PPM1H: variants seen among roughly 807,000 people sequenced by gnomAD.
PPM1H encodes the protein protein phosphatase, Mg2+/Mn2+ dependent 1H.
Under a neutral mutation model 54.9 loss-of-function variants are expected in PPM1H, and 27 were observed. The ratio of observed to expected loss-of-function variants is 0.49; its 90% CI spans 0.36 to 0.68. The LOEUF (loss-of-function observed/expected upper bound fraction) is 0.68. PPM1H is among the 30% of genes least tolerant of loss of function. The pLI is 0.00. For synonymous variants in PPM1H, 305 were observed against 270.8 expected (o/e 1.13, Z -1.24); for missense variants, 596 against 667.8 (o/e 0.89, Z 1.19).
At chr12:62,651,517 G>A (rs763537538) in intron 9 of PPM1H, among the ~76,000 whole-genome samples, 1 of 152,132 alleles carries the variant, frequency 6.6e-6, no homozygotes, top group Non-Finnish European at 1.5e-5. Flanking sequence ...TTTTTAAAAA[G>A]CAAGGATTAG....
chr12:62,850,583 G>A (rs1869143529), intron 1 of PPM1H, among the ~76,000 whole-genome samples: 1 of 150,024 alleles, frequency 6.7e-6, no homozygotes, highest in Non-Finnish European at 1.5e-5. Flanking sequence ...GTCCTTGGCA[G>A]TTTTACTGTT....
intron 4 of PPM1H, among the ~76,000 whole-genome samples, chr12:62,740,024 C>T (rs1389571434): frequency 6.6e-6 from 1 of 152,172 alleles, no homozygotes; most frequent in Non-Finnish European, 1.5e-5. Flanking sequence ...TCCACTGGAT[C>T]TCTGCCCATA....
chr12:62,865,414 G>A (rs1869741516), intron 1 of PPM1H, among the ~76,000 whole-genome samples: 1 of 152,066 alleles, frequency 6.6e-6, no homozygotes, highest in Non-Finnish European at 1.5e-5. Flanking sequence ...GTCTCCACAT[G>A]CCCTTCAGGG....
At chr12:62,793,680 C>T (rs552912789) in intron 3 of PPM1H, among the ~76,000 whole-genome samples, 1 of 146,172 alleles carries the variant, frequency 6.8e-6, no homozygotes, top group South Asian at 2.2e-4. Flanking sequence ...GCCCAGATCG[C>T]GCCAAGCCAA....
At chr12:62,678,350 AT>A (rs1395082272) in intron 8 of PPM1H, among the ~76,000 whole-genome samples, 1 of 152,210 alleles carries the variant, frequency 6.6e-6, no homozygotes, top group Non-Finnish European at 1.5e-5. Flanking sequence ...TGAAATTATT[AT>A]TTTTCAGGAG....
intron 2 of PPM1H, among the ~76,000 whole-genome samples, chr12:62,821,577 G>C (rs900083267): frequency 6.6e-6 from 1 of 152,164 alleles, no homozygotes; most frequent in East Asian, 1.9e-4. Context: ...TGGATTTCTC[G>C]GCAGAAACTC....
chr12:62,841,275 T>C (rs968547611), intron 1 of PPM1H, among the ~76,000 whole-genome samples: 2 of 152,244 alleles, frequency 1.3e-5, no homozygotes, highest in South Asian at 4.2e-4. Flanking sequence ...CTATTGCCCA[T>C]GGGCCAAAGC....
chr12:62,740,057 T>G (rs1204082916), intron 4 of PPM1H, among the ~76,000 whole-genome samples: 2 of 152,194 alleles, frequency 1.3e-5, no homozygotes, highest in Non-Finnish European at 2.9e-5. Context: ...GCTAAAGCAT[T>G]CTGTTTAAAA....
chr12:62,797,749 T>C (rs572410065), intron 3 of PPM1H, among the ~76,000 whole-genome samples: 2 of 152,340 alleles, frequency 1.3e-5, no homozygotes, highest in Admixed American at 6.5e-5. Flanking sequence ...ATTCTGAAGC[T>C]CACCTTAAGC....
In PPM1H at chr12:62,854,821, T is replaced by C. The variant is rs975896026; in HGVS notation, c.246-22542A>G. 2.7e-4 allele frequency among the ~76,000 whole-genome samples: 41 copies of C among 151,762 alleles called. 1 individual carries two copies. The highest frequency in any genetic ancestry group is 3.3e-4 in the Admixed American group (5 of 15,240). ...GGAAGGCAGAATGACACAAAAGCAA[T>C]ATTAAAAAAAAACATAAAAATAAAA... On this transcript the variant is annotated intron_variant, in intron 1 of 9. Transcript: ENST00000228705.
At chr12:62,679,838 C>T (rs1465582897) in intron 8 of PPM1H, among the ~76,000 whole-genome samples, 1 of 152,216 alleles carries the variant, frequency 6.6e-6, no homozygotes, top group East Asian at 1.9e-4. Context: ...TATGCCTTTA[C>T]ACTGCAAAGT....
In PPM1H at chr12:62,788,228, GCT is replaced by G; in HGVS notation, c.865_866del (p.Ser289GlnfsTer40). The G allele has an allele frequency of 6.3e-7, 1 of 1,577,070 alleles. No homozygotes were observed. ...GKLYVANAGD[S>X]RAIIIRNGEI... The stretch of plus-strand genomic sequence containing the variant: ...AATCAGACAGCTCATCTGCTTACCT[GCT>G]ATCCCCAGCATTTGCAACATACAGC... On this transcript the variant is annotated frameshift_variant, in exon 4 of 10. Coordinates refer to ENST00000228705, the MANE Select transcript of PPM1H (RefSeq NM_020700.2). LOFTEE classifies it high-confidence loss of function.
chr12:62,799,215 T>A (rs506821), intron 3 of PPM1H, among the ~76,000 whole-genome samples: 13,576 of 152,298 alleles, frequency 0.089, 640 homozygotes, highest in South Asian at 0.15. Flanking sequence ...TTTTTCTGAA[T>A]GAACCTTTCT....
intron 6 of PPM1H, among the ~76,000 whole-genome samples, chr12:62,699,967 A>G (rs2076134948): frequency 6.6e-6 from 1 of 152,148 alleles, no homozygotes; most frequent in Non-Finnish European, 1.5e-5. Context: ...CCTAAGGCAC[A>G]TGAGTGATGC....
chr12:62,793,716 G>C (rs2076713825), intron 3 of PPM1H, among the ~76,000 whole-genome samples: 3 of 139,524 alleles, frequency 2.2e-5, no homozygotes, highest in Non-Finnish European at 4.6e-5. Flanking sequence ...CTCCAGCCTG[G>C]GCAACAAGAG....
intron 4 of PPM1H, among the ~76,000 whole-genome samples, chr12:62,773,303 A>G (rs2076590112): frequency 6.6e-6 from 1 of 151,950 alleles, no homozygotes; most frequent in Non-Finnish European, 1.5e-5. Context: ...AGGGAGAACC[A>G]TCTCTGTAAA....
intron 4 of PPM1H, among the ~76,000 whole-genome samples, chr12:62,767,770 T>A (rs2076553077): frequency 6.6e-6 from 1 of 152,214 alleles, no homozygotes; most frequent in Admixed American, 6.5e-5. Flanking sequence ...AGGGCCACGC[T>A]CCTTCTGAAG....
At chr12:62,896,896 T>C (rs1167809163) in intron 1 of PPM1H, among the ~76,000 whole-genome samples, 3 of 152,070 alleles carry the variant, frequency 2.0e-5, no homozygotes, top group Admixed American at 6.5e-5. Flanking sequence ...GTGGCACACA[T>C]ACACTATGGA....
intron 1 of PPM1H, among the ~76,000 whole-genome samples, chr12:62,926,837 C>A (rs1188792859): frequency 2.6e-5 from 4 of 152,064 alleles, no homozygotes; most frequent in Non-Finnish European, 5.9e-5. Flanking sequence ...GCCTGTAATC[C>A]CAGCTACTCA....
Sources: gnomAD v4.1 joint callset for allele counts (sites outside exome capture counted in the v4.1 genomes callset) on GRCh38, gnomAD v4.1.1 for gene constraint, MANE v1.5 for transcripts, NCBI Gene and HGNC (gene_info 2026-07-23, HGNC 2026-07-21) for gene names.